Variants in USP48 observed in about 807,000 individuals in gnomAD.
The protein encoded by USP48 is ubiquitin specific peptidase 48.
USP48 carries 43 observed loss-of-function variants against 150.7 expected under a neutral mutation model. That is an observed-to-expected ratio of 0.29 (90% confidence interval 0.22 to 0.37). USP48 has a LOEUF of 0.37. USP48 is among the 10% of genes least tolerant of loss of function. USP48 has a pLI of 1.00. For missense variants in USP48, 813 were observed against 1,249.6 expected (o/e 0.65, Z 5.27); for synonymous variants, 396 against 425.9 (o/e 0.93, Z 0.86).
intron 1 of USP48, among the ~76,000 whole-genome samples, chr1:21,762,726 C>T (rs988822139): frequency 6.6e-6 from 1 of 151,890 alleles, no homozygotes; most frequent in Admixed American, 6.6e-5. Flanking sequence ...ATTAGCTGGA[C>T]GTGGTGGCAG....
intron 11 of USP48, 117 bp from the exon 12 acceptor site, chr1:21,724,212 G>T: frequency 9.7e-7 from 1 of 1,034,778 alleles, no homozygotes; most frequent in Non-Finnish European, 1.5e-6. Context: ...AGAATCAGAA[G>T]AATCATTGTC....
chr1:21,703,705 T>C, intron 20 of USP48, 87 bp from the exon 21 acceptor site: 1 of 989,540 alleles, frequency 1.0e-6, no homozygotes, highest in South Asian at 1.4e-5. Flanking sequence ...ATGTCAAAGT[T>C]ACTAGTGAAT....
intron 1 of USP48, among the ~76,000 whole-genome samples, chr1:21,770,161 CAAA>C (rs34388606): frequency 2.2e-5 from 3 of 137,000 alleles, no homozygotes; most frequent in Admixed American, 7.4e-5. Context: ...CGTCCTCCAC[CAAA>C]AAAAAAAAAA....
At chr1:21,714,273 T>C (rs1385952247) in intron 15 of USP48, among the ~76,000 whole-genome samples, 1 of 152,070 alleles carries the variant, frequency 6.6e-6, no homozygotes, top group African/African-American at 2.4e-5. Context: ...AAATTTATTG[T>C]CCTATTGATT....
chr1:21,693,665 GGGGCTCTT>G (rs1312745471), intron 23 of USP48, among the ~76,000 whole-genome samples: 1 of 152,208 alleles, frequency 6.6e-6, no homozygotes, highest in Non-Finnish European at 1.5e-5. Flanking sequence ...TTTAGGCACA[GGGGCTCTT>G]TCTGTAATTT....
At chr1:21,682,631 C>T (rs772749634) in intron 25 of USP48, among the ~76,000 whole-genome samples, 1 of 152,092 alleles carries the variant, frequency 6.6e-6, no homozygotes. Flanking sequence ...AATCTCAGCA[C>T]ACTGGGAGGC....
At chr1:21,694,990 T>C (rs903008348) in intron 23 of USP48, 76 bp downstream of exon 23, 2 of 1,461,594 alleles carry the variant, frequency 1.4e-6, no homozygotes, top group African/African-American at 2.9e-5. Flanking sequence ...TACATATATG[T>C]AAATACAGGT....
At chr1:21,772,365 T>C (rs915890107) in intron 1 of USP48, among the ~76,000 whole-genome samples, 3 of 152,190 alleles carry the variant, frequency 2.0e-5, no homozygotes, top group African/African-American at 4.8e-5. Context: ...GGGTCATGCC[T>C]GTAATCCCAG....
At chr1:21,695,663 C>A (rs868304938) in intron 22 of USP48, among the ~76,000 whole-genome samples, 1 of 152,126 alleles carries the variant, frequency 6.6e-6, no homozygotes, top group Non-Finnish European at 1.5e-5. Context: ...GAGCTACAAT[C>A]GCACCACTGG....
intron 21 of USP48, 66 bp from the exon 22 acceptor site, chr1:21,701,668 G>C (rs2097657388): frequency 2.1e-6 from 3 of 1,404,766 alleles, no homozygotes; most frequent in Admixed American, 1.7e-5. Context: ...TGGAGGATGT[G>C]GGGGCTGGGA....
intron 1 of USP48, among the ~76,000 whole-genome samples, chr1:21,781,326 C>A (rs1165045641): frequency 2.0e-5 from 3 of 152,044 alleles, no homozygotes; most frequent in Non-Finnish European, 2.9e-5. Flanking sequence ...GTAATCCCAG[C>A]TATTCAGGAG....
chr1:21,715,761 T>C (rs1259382648), intron 14 of USP48, among the ~76,000 whole-genome samples: 1 of 152,240 alleles, frequency 6.6e-6, no homozygotes, highest in Non-Finnish European at 1.5e-5. Context: ...GAATACTGTG[T>C]CATAAACCAA....
intron 24 of USP48, 126 bp downstream of exon 24, chr1:21,689,848 C>T: frequency 7.6e-7 from 1 of 1,314,178 alleles, no homozygotes; most frequent in Non-Finnish European, 1.0e-6. Flanking sequence ...AAACCCACAG[C>T]AGTCATTTAT....
At chr1:21,737,163 T>G (rs2097770518) in intron 8 of USP48, among the ~76,000 whole-genome samples, 1 of 152,160 alleles carries the variant, frequency 6.6e-6, no homozygotes, top group African/African-American at 2.4e-5. Context: ...TCTGGAGATC[T>G]AACACCCAGC....
At chr1:21,745,711 T>G (rs1256351756) in intron 8 of USP48, among the ~76,000 whole-genome samples, 1 of 152,182 alleles carries the variant, frequency 6.6e-6, no homozygotes, top group South Asian at 2.1e-4. Flanking sequence ...ACTTAGTAAG[T>G]AGTAATAGTA....
intron 22 of USP48, among the ~76,000 whole-genome samples, chr1:21,699,919 C>T (rs6700844): frequency 0.75 from 112,027 of 150,360 alleles, 43,106 homozygotes; most frequent in Non-Finnish European, 0.84. Context: ...AGAGATGTCC[C>T]CGCCACAGAG....
At chr1:21,723,792 T>C in intron 12 of USP48, 106 bp downstream of exon 12, 1 of 959,708 alleles carries the variant, frequency 1.0e-6, no homozygotes, top group South Asian at 1.6e-5. Context: ...GAATATTTGG[T>C]CTAGCATAGT....
chr1:21,737,294 A>AAAAAAT (rs1251986177), intron 8 of USP48, among the ~76,000 whole-genome samples: 1 of 152,216 alleles, frequency 6.6e-6, no homozygotes, highest in African/African-American at 2.4e-5. Flanking sequence ...TAAAGCTGGA[A>AAAAAAT]AAAAATAAAA....
intron 7 of USP48, 59 bp from the exon 8 acceptor site, chr1:21,747,208 A>G: frequency 8.5e-7 from 1 of 1,180,864 alleles, no homozygotes; most frequent in South Asian, 1.4e-5. Context: ...ACAATATATA[A>G]GCTCTATTAG....
Sources: allele counts gnomAD v4.1 joint callset (sites outside exome capture counted in the v4.1 genomes callset), GRCh38; gene constraint gnomAD v4.1.1; transcripts MANE v1.5; gene names NCBI Gene and HGNC (gene_info 2026-07-23, HGNC 2026-07-21).